Variants in DGKB observed in about 807,000 individuals in gnomAD.
DGKB encodes diacylglycerol kinase beta.
Under a neutral mutation model 114.3 loss-of-function variants are expected in DGKB, and 67 were observed. The observed-to-expected ratio is 0.59, with a 90% CI of 0.48 to 0.72. The LOEUF (loss-of-function observed/expected upper bound fraction) is 0.72. Ranked by LOEUF, DGKB falls within the 30% of genes least tolerant of loss-of-function variation. The pLI is 0.00. For missense variants in DGKB, 907 were observed against 975.2 expected (o/e 0.93, Z 0.93); for synonymous variants, 398 against 323.1 (o/e 1.23, Z -2.49).
intron 13 of DGKB, among the ~76,000 whole-genome samples, chr7:14,671,272 G>C (rs1305663018): frequency 6.6e-6 from 1 of 152,112 alleles, no homozygotes; most frequent in Non-Finnish European, 1.5e-5. Flanking sequence ...CAGAGAAACA[G>C]AGAAAGGACC....
chr7:14,199,557 A>G (rs114695135), intron 23 of DGKB, among the ~76,000 whole-genome samples: 476 of 152,174 alleles, frequency 3.1e-3, no homozygotes, highest in African/African-American at 0.011. Flanking sequence ...AGAAGCAGAA[A>G]TAAAATCCAC....
intron 4 of DGKB, among the ~76,000 whole-genome samples, chr7:14,747,760 C>G (rs981543811): frequency 1.3e-5 from 2 of 150,612 alleles, no homozygotes; most frequent in African/African-American, 5.0e-5. Context: ...GCTGTGGGCT[C>G]AAACACATCC....
chr7:14,749,552 C>T (rs934280934), intron 4 of DGKB, among the ~76,000 whole-genome samples: 1 of 152,032 alleles, frequency 6.6e-6, no homozygotes, highest in Non-Finnish European at 1.5e-5. Context: ...ATAATGGATT[C>T]GAAAAAGTTT....
At chr7:14,546,754 G>A (rs1042760800) in intron 20 of DGKB, among the ~76,000 whole-genome samples, 1 of 152,194 alleles carries the variant, frequency 6.6e-6, no homozygotes, top group Admixed American at 6.5e-5. Context: ...GATGCAACAA[G>A]TGATATGGCA....
chr7:14,763,219 G>T (rs1321108355), intron 2 of DGKB, among the ~76,000 whole-genome samples: 1 of 151,968 alleles, frequency 6.6e-6, no homozygotes, highest in Non-Finnish European at 1.5e-5. Flanking sequence ...GTATGGCATG[G>T]TTTATCTGTC....
intron 13 of DGKB, among the ~76,000 whole-genome samples, chr7:14,671,181 A>G (rs922914066): frequency 2.6e-5 from 4 of 152,156 alleles, no homozygotes; most frequent in African/African-American, 9.7e-5. Flanking sequence ...ATGCCATGAC[A>G]TAGGAGGGTA....
At chr7:14,935,162 A>G (rs1785210809) in intron 1 of DGKB, among the ~76,000 whole-genome samples, 1 of 152,168 alleles carries the variant, frequency 6.6e-6, no homozygotes, top group Non-Finnish European at 1.5e-5. Flanking sequence ...TGGCTTTGGC[A>G]GGCTTATCGA....
At position 14,793,387 on chromosome 7, in the gene DGKB, C is replaced by T. The variant is rs895792182; in HGVS notation, c.71-35656G>A. ...CATTCCTGTCTTTTCCCCTACGCAT[C>T]TCAGTTAGGACACTCTAAATGCCAT... On this transcript the variant is annotated intron_variant, in intron 2 of 25. Transcript: ENST00000402815. Among the ~76,000 whole-genome samples, 15 of 152,216 alleles carry T rather than the reference C, an allele frequency of 9.9e-5. 1 individual carries two copies. Among genetic ancestry groups the T allele is most frequent in the South Asian group, 6.2e-4 (3 of 4,826 alleles).
At chr7:14,429,062 A>G (rs1828025404) in intron 21 of DGKB, among the ~76,000 whole-genome samples, 2 of 152,222 alleles carry the variant, frequency 1.3e-5, no homozygotes, top group Admixed American at 1.3e-4. Flanking sequence ...CTCAGAGATT[A>G]CTAAACACAG....
At chr7:14,648,479 C>A (rs893108162) in intron 13 of DGKB, among the ~76,000 whole-genome samples, 2 of 149,166 alleles carry the variant, frequency 1.3e-5, no homozygotes, top group Admixed American at 1.4e-4. Flanking sequence ...GACATCCACA[C>A]CAAAAACCCA....
chr7:14,973,865 A>G (rs12539933), intron 1 of DGKB, among the ~76,000 whole-genome samples: 91 of 148,188 alleles, frequency 6.1e-4, no homozygotes, highest in Non-Finnish European at 1.0e-3. Context: ...ATTTTATAAT[A>G]ATAAATTTAA....
intron 1 of DGKB, among the ~76,000 whole-genome samples, chr7:14,842,755 CA>C (rs34645184): frequency 0.89 from 134,763 of 152,184 alleles, 60,077 homozygotes; most frequent in East Asian, 1. Flanking sequence ...GCACATTACA[CA>C]CCTGTCTCCC....
At chr7:14,712,381 G>A (rs1371752267) in intron 6 of DGKB, among the ~76,000 whole-genome samples, 1 of 152,144 alleles carries the variant, frequency 6.6e-6, no homozygotes, top group Non-Finnish European at 1.5e-5. Flanking sequence ...GCAAGTTTAT[G>A]AACATAAATT....
intron 25 of DGKB, chr7:14,176,437 G>A (rs757709751): frequency 2.3e-5 from 23 of 987,244 alleles, no homozygotes; most frequent in Non-Finnish European, 2.8e-5. Flanking sequence ...GCATAGAAAA[G>A]CTGAGAAATA....
chr7:14,326,716 T>G (rs1808807941), intron 23 of DGKB, among the ~76,000 whole-genome samples: 1 of 152,180 alleles, frequency 6.6e-6, no homozygotes, highest in Non-Finnish European at 1.5e-5. Flanking sequence ...TCCTATCAGC[T>G]TCCTCTGCAA....
At chr7:14,950,647 G>A (rs28781340) in intron 1 of DGKB, among the ~76,000 whole-genome samples, 7,060 of 151,942 alleles carry the variant, frequency 0.046, 502 homozygotes, top group African/African-American at 0.15. Flanking sequence ...GTCCAGGCAT[G>A]CATTTCTTCA....
At chr7:14,608,863 G>A (rs1805000040) in intron 16 of DGKB, among the ~76,000 whole-genome samples, 1 of 152,052 alleles carries the variant, frequency 6.6e-6, no homozygotes, top group East Asian at 1.9e-4. Flanking sequence ...AACTAAGGAA[G>A]GAGGTGAAAG....
intron 17 of DGKB, among the ~76,000 whole-genome samples, chr7:14,586,586 C>T (rs59722842): frequency 2.0e-5 from 3 of 152,026 alleles, no homozygotes; most frequent in Non-Finnish European, 4.4e-5. Context: ...TGCCATCTAG[C>T]ACTTTGATAG....
chr7:14,635,565 C>A lies in DGKB; in HGVS notation c.1135-5297G>T, dbSNP rs557935513. Reference sequence around the variant, plus strand: ...AAGAGGGGAGCTGATATTTAGAGCACCCATCTTCAAAACACATTTCAAAAT... The same window carrying A: ...AAGAGGGGAGCTGATATTTAGAGCAACCATCTTCAAAACACATTTCAAAAT... On this transcript the variant is annotated intron_variant, in intron 13 of 25. Transcript: ENST00000402815. Among the ~76,000 whole-genome samples, 11 of 151,564 alleles carry A rather than the reference C, an allele frequency of 7.3e-5. No individual in the cohort carries two copies. In the South Asian group the frequency reaches 2.3e-3, roughly 31 times the overall value.
Sources: allele counts gnomAD v4.1 joint callset (sites outside exome capture counted in the v4.1 genomes callset), GRCh38; gene constraint gnomAD v4.1.1; transcripts MANE v1.5; gene names NCBI Gene and HGNC (gene_info 2026-07-23, HGNC 2026-07-21).